The following TPO variants were observed in gnomAD, a reference collection of about 807,000 sequenced individuals.
TPO encodes thyroid microsomal antigen.
Under a neutral mutation model 96.9 loss-of-function variants are expected in TPO, and 78 were observed. The observed-to-expected ratio is 0.81, with a 90% CI of 0.67 to 0.97. The LOEUF (loss-of-function observed/expected upper bound fraction) is 0.97. Among genes scored for constraint, TPO ranks in the 50% least tolerant of loss-of-function variants. The probability of loss-of-function intolerance (pLI) is 0.00; values close to 1 mark genes in which losing one functional copy is unlikely to be tolerated. For synonymous variants in TPO, 547 were observed against 538.0 expected (o/e 1.02, Z -0.23); for missense variants, 1,252 against 1,274.8 (o/e 0.98, Z 0.27).
intron 1 of TPO, among the ~76,000 whole-genome samples, chr2:1,388,364 C>T (rs1298273424): frequency 1.3e-5 from 2 of 152,178 alleles, no homozygotes; most frequent in East Asian, 1.9e-4. Flanking sequence ...CCACCCAGTT[C>T]GAGCTTCCTG....
intron 12 of TPO, 24 bp downstream of exon 12, chr2:1,496,221 C>A (rs1672319414): frequency 6.2e-7 from 1 of 1,609,732 alleles, no homozygotes. Flanking sequence ...TCCTCTCACA[C>A]CACGTTACAG....
intron 14 of TPO, chr2:1,512,290 G>A (rs946024401): frequency 7.1e-6 from 4 of 560,244 alleles, no homozygotes; most frequent in South Asian, 7.7e-5. Flanking sequence ...TTCTATAAAC[G>A]CTGAAGCCAA....
chr2:1,378,766 G>A (rs1661760537), intron 1 of TPO, among the ~76,000 whole-genome samples: 1 of 152,328 alleles, frequency 6.6e-6, no homozygotes, highest in Non-Finnish European at 1.5e-5. Flanking sequence ...ACCTGGCGGG[G>A]GGTTCGTGCC....
chr2:1,384,202 CT>C (rs1315283396), intron 1 of TPO, among the ~76,000 whole-genome samples: 2 of 152,134 alleles, frequency 1.3e-5, no homozygotes, highest in African/African-American at 4.8e-5. Context: ...AATGCAGGCT[CT>C]TTTTTGGTTC....
intron 1 of TPO, among the ~76,000 whole-genome samples, chr2:1,387,890 T>G (rs1036107276): frequency 6.6e-6 from 1 of 152,204 alleles, no homozygotes; most frequent in Admixed American, 6.5e-5. Flanking sequence ...GGGGTTTTGG[T>G]GTGGATGTCC....
At chr2:1,539,283 T>C (rs1348120936) in intron 15 of TPO, among the ~76,000 whole-genome samples, 1 of 152,182 alleles carries the variant, frequency 6.6e-6, no homozygotes, top group Admixed American at 6.5e-5. Flanking sequence ...CCTTACAGAC[T>C]TTATGTCAGT....
chr2:1,374,975 C>T (rs1558239718), intron 1 of TPO, among the ~76,000 whole-genome samples: 1 of 152,028 alleles, frequency 6.6e-6, no homozygotes, highest in African/African-American at 2.4e-5. Context: ...GTCATCTACC[C>T]ACCTTGGCCT....
rs1256287183 is a variant in TPO, at chr2:1,477,993, T to TTG, written c.1338+390_1338+391insGT. ...GGTGCGCACAGCCAAGCTACGTGCTTTACAGATTTCAACTCATTTAATAAT... is the reference window on the plus strand; with the variant it reads ...GGTGCGCACAGCCAAGCTACGTGCTTTGTACAGATTTCAACTCATTTAATAAT... On this transcript the variant is annotated intron_variant, in intron 8 of 16. Transcript: ENST00000329066. 3.0e-6 allele frequency: 3 copies of TTG among 985,338 alleles called. No individual in the cohort carries two copies. The African/African-American group carries it at 5.2e-5, about 17-fold the overall frequency. 61.0% of individuals were successfully genotyped at this position (985,338 alleles called of 1,614,324 possible).
chr2:1,524,502 A>C (rs1573543394), intron 15 of TPO, among the ~76,000 whole-genome samples: 2 of 64,596 alleles, frequency 3.1e-5, no homozygotes, highest in Non-Finnish European at 5.6e-5. Context: ...AAATCCTCCC[A>C]CTGTGTGCAG....
At chr2:1,442,755 GAT>G (rs900069152) in intron 5 of TPO, among the ~76,000 whole-genome samples, 1 of 152,216 alleles carries the variant, frequency 6.6e-6, no homozygotes, top group African/African-American at 2.4e-5. Context: ...AACTGGCAAA[GAT>G]AGTGATGCTC....
At chr2:1,534,545 A>C in intron 15 of TPO, among the ~76,000 whole-genome samples, 1 of 108,222 alleles carries the variant, frequency 9.2e-6, no homozygotes, top group Non-Finnish European at 1.9e-5. Flanking sequence ...CAACCTCCCC[A>C]AATCCCTACC....
At chr2:1,502,556 A>T (rs1057006264) in intron 13 of TPO, among the ~76,000 whole-genome samples, 1 of 151,898 alleles carries the variant, frequency 6.6e-6, no homozygotes, top group African/African-American at 2.4e-5. Flanking sequence ...CACCCAGCTC[A>T]TTTTTGTATT....
chr2:1,475,936 C>T (rs1669886056), intron 7 of TPO, among the ~76,000 whole-genome samples: 1 of 150,942 alleles, frequency 6.6e-6, no homozygotes, highest in East Asian at 2.0e-4. Context: ...AGGCCGACTC[C>T]CTCTCACCTA....
chr2:1,514,388 A>C (rs531429956), intron 14 of TPO, among the ~76,000 whole-genome samples: 1 of 152,372 alleles, frequency 6.6e-6, no homozygotes, highest in Non-Finnish European at 1.5e-5. Context: ...AAGCGGACAC[A>C]TAAAATTAAC....
At chr2:1,411,044 C>A (rs1662325160), upstream of TPO, among the ~76,000 whole-genome samples, 1 of 151,954 alleles carries the variant, frequency 6.6e-6, no homozygotes, top group Non-Finnish European at 1.5e-5. Context: ...TTTTCCACGT[C>A]CCCCTGCAGA....
At chr2:1,528,748 ACACT>A (rs1677238777) in intron 15 of TPO, among the ~76,000 whole-genome samples, 1 of 27,130 alleles carries the variant, frequency 3.7e-5, no homozygotes, top group African/African-American at 1.6e-4. Context: ...CAAATCCCCC[ACACT>A]GTGTGCAGCC....
chr2:1,536,650 C>G, intron 15 of TPO, among the ~76,000 whole-genome samples: 1 of 100,314 alleles, frequency 1.0e-5, no homozygotes, highest in East Asian at 3.1e-4. Context: ...ATCCCCCCCC[C>G]CACTGTGTGC....
intron 1 of TPO, among the ~76,000 whole-genome samples, chr2:1,377,093 A>T (rs989433005): frequency 1.3e-5 from 2 of 152,234 alleles, no homozygotes; most frequent in African/African-American, 4.8e-5. Context: ...ATAATATTTA[A>T]TTTTTGTGAT....
intron 1 of TPO, among the ~76,000 whole-genome samples, chr2:1,376,183 C>T (rs1016180585): frequency 1.3e-5 from 2 of 152,160 alleles, no homozygotes; most frequent in Non-Finnish European, 2.9e-5. Context: ...ATAAAACCCG[C>T]CATCACTGCA....
Sources: allele counts gnomAD v4.1 joint callset (sites outside exome capture counted in the v4.1 genomes callset), GRCh38; gene constraint gnomAD v4.1.1; transcripts MANE v1.5; gene names NCBI Gene and HGNC (gene_info 2026-07-23, HGNC 2026-07-21).